ZNF185: variants seen among roughly 807,000 people sequenced by gnomAD.
ZNF185 encodes zinc finger protein 185 with LIM domain.
A neutral mutation model predicts 58.6 loss-of-function variants in ZNF185; 56 were observed. The observed-to-expected ratio is 0.95, with a 90% CI of 0.77 to 1.19. ZNF185 has a LOEUF of 1.19. Among genes scored for constraint, ZNF185 ranks in the 50% most tolerant of loss-of-function variants. The pLI, the probability that ZNF185 is intolerant of heterozygous loss-of-function variation, is 0.00. For synonymous variants in ZNF185, 230 were observed against 215.9 expected, an observed-to-expected ratio of 1.07 and a Z score of -0.57; for missense variants, 627 against 573.5, an observed-to-expected ratio of 1.09 and a Z score of -0.95.
intron 16 of ZNF185, among the ~76,000 whole-genome samples, chrX:152,950,205 C>T (rs2048167224): frequency 8.9e-6 from 1 of 111,823 alleles, no homozygotes; most frequent in Non-Finnish European, 1.9e-5. Flanking sequence ...GGCAATGATC[C>T]TTTTATATAA....
intron 7 of ZNF185, among the ~76,000 whole-genome samples, chrX:152,919,550 CT>C (rs1432273811): frequency 9.0e-6 from 1 of 111,633 alleles, no homozygotes; most frequent in African/African-American, 3.3e-5. Context: ...AAATTCTACC[CT>C]AGTCTCTGCG....
exon 7 of ZNF185, chrX:152,919,041 G>A (rs1556868065): frequency 8.3e-7 from 1 of 1,210,789 alleles, no homozygotes; most frequent in Non-Finnish European, 1.1e-6. Flanking sequence ...GGAGGAGGAG[G>A]AGGAGGTGGT....
intron 16 of ZNF185, 151 bp from the exon 19 acceptor site, chrX:152,959,548 G>C: frequency 1.7e-6 from 1 of 605,260 alleles, no homozygotes; most frequent in Non-Finnish European, 2.5e-6. Flanking sequence ...CTGCTCCTTG[G>C]GGTGGGGATT....
chrX:152,971,049 T>C (rs1216946597), intron 22 of ZNF185, among the ~76,000 whole-genome samples: 1 of 111,981 alleles, frequency 8.9e-6, no homozygotes, highest in Non-Finnish European at 1.9e-5. Flanking sequence ...TGTGTTTGCA[T>C]GCTCATAGCC....
chrX:152,938,260 A>T (rs2046593315), intron 15 of ZNF185, 97 bp downstream of exon 17: 15 of 866,748 alleles, frequency 1.7e-5, no homozygotes, highest in Non-Finnish European at 2.4e-5. Context: ...GAGGCCAGCA[A>T]GGTTTGTGAG....
intron 15 of ZNF185, among the ~76,000 whole-genome samples, chrX:152,942,964 A>C (rs190952774): frequency 9.0e-6 from 1 of 111,482 alleles, no homozygotes; most frequent in Non-Finnish European, 1.9e-5. Context: ...ATATCTATAT[A>C]TGTATATGTA....
chrX:152,955,794 C>T (rs182279357), intron 16 of ZNF185, among the ~76,000 whole-genome samples: 1,222 of 109,808 alleles, frequency 0.011, 16 homozygotes, highest in African/African-American at 0.038. Context: ...CCCAGCTACT[C>T]GGGAGGCTGA....
At chrX:152,903,915 T>G in the ZNF185 span, among the ~76,000 whole-genome samples, 1 of 111,079 alleles carries the variant, frequency 9.0e-6, no homozygotes, top group African/African-American at 3.3e-5. Context: ...CCAGGGCCCC[T>G]CCAGTGCAGA....
At chrX:152,948,576 G>A (rs2048002337) in intron 16 of ZNF185, among the ~76,000 whole-genome samples, 1 of 111,733 alleles carries the variant, frequency 8.9e-6, no homozygotes, top group Non-Finnish European at 1.9e-5. Flanking sequence ...ACTGGGAGAG[G>A]ACTCTGGAAG....
chrX:152,911,279 G>A (rs1937142197), upstream of ZNF185, among the ~76,000 whole-genome samples: 1 of 112,152 alleles, frequency 8.9e-6, no homozygotes, highest in Non-Finnish European at 1.9e-5. Flanking sequence ...TCACTTGGCA[G>A]GGCTACCTTC....
the ZNF185 span, among the ~76,000 whole-genome samples, chrX:152,903,739 C>T: frequency 2.7e-5 from 3 of 111,594 alleles, no homozygotes; most frequent in Admixed American, 1.9e-4. Context: ...CCTGAACGGT[C>T]GCTTGTATCT....
rs910295478 is a variant in ZNF185 at position 152,917,179 on chromosome X, C to T, written c.263+10C>T. On this transcript the variant is annotated intron_variant, in intron 4 of 22. Transcript: ENST00000449285. ...CTGGCTACATCATCCGGTAAGTGAC[C>T]GCAGGACTCTGCCGGCCTTCCTGTG... 1.2e-5 allele frequency: 15 copies of T among 1,209,847 alleles called. No individual in the cohort carries two copies. Among genetic ancestry groups the T allele is most frequent in the Admixed American group, 2.2e-5 (1 of 45,909 alleles).
At chrX:152,969,820 A>G (rs1417630923) in intron 21 of ZNF185, among the ~76,000 whole-genome samples, 1 of 112,640 alleles carries the variant, frequency 8.9e-6, no homozygotes, top group Non-Finnish European at 1.9e-5. Context: ...CTTGCGTGGG[A>G]GAATGCCAGG....
rs1556864762 is a variant in ZNF185, at chrX:152,915,119, G to A, written c.159-19G>A. The A allele has an allele frequency of 2.5e-6, 3 of 1,208,351 alleles. No individual in the cohort carries two copies. The highest frequency in any genetic ancestry group is 1.8e-5 in the South Asian group (1 of 56,252). On this transcript the variant is annotated intron_variant, in intron 2 of 22. Transcript: ENST00000449285. ...AGGGAGTCTCGGAGCCAATCCTTCAGGATGCCTCTTTCCCCCAGAGAGCTG... is the reference window on the plus strand; with the variant it reads ...AGGGAGTCTCGGAGCCAATCCTTCAAGATGCCTCTTTCCCCCAGAGAGCTG...
chrX:152,939,844 G>A (rs139069673), intron 15 of ZNF185, among the ~76,000 whole-genome samples: 2,106 of 100,907 alleles, frequency 0.021, 61 homozygotes, highest in African/African-American at 0.072. Context: ...GTGCAGTGGC[G>A]CAATCTCGAC....
At chrX:152,947,539 T>C (rs1186693594) in intron 16 of ZNF185, among the ~76,000 whole-genome samples, 1 of 111,470 alleles carries the variant, frequency 9.0e-6, no homozygotes, top group East Asian at 2.8e-4. Context: ...TGCACAGAGA[T>C]GAGAAGGTCA....
At chrX:152,938,077 C>T in exon 15 of ZNF185, 8 of 1,176,798 alleles carry the variant, frequency 6.8e-6, no homozygotes, top group Non-Finnish European at 9.1e-6. Context: ...TCCTCAGCTC[C>T]AGTGCCACTT....
chrX:152,919,120 G>A lies in ZNF185; in HGVS notation c.530+39G>A, dbSNP rs1246877951. 8 of 1,081,859 alleles carry A rather than the reference G, an allele frequency of 7.4e-6. No individual in the cohort carries two copies. In the African/African-American group the frequency reaches 1.1e-4, roughly 15 times the overall value. The allele number at this position is 1,081,859 out of a possible 1,213,427, so 89.2% of individuals were successfully genotyped here. ...GCCTTTTGGGCATCCCGGGGGGCAG[G>A]GCAGGAGCCTGAGTCTTCGAAGACT... On this transcript the variant is annotated intron_variant, in intron 7 of 22. Coordinates refer to ENST00000449285, the Ensembl canonical transcript of ZNF185.
chrX:152,937,728 GTCATGCAGGCCTGGATATCCCCC>G (rs2046489887), intron 14 of ZNF185, among the ~76,000 whole-genome samples: 1 of 112,514 alleles, frequency 8.9e-6, no homozygotes, highest in Non-Finnish European at 1.9e-5. Flanking sequence ...GACTCATTGA[GTCATGCAGGCCTGGATATCCCCC>G]TCTGCCTATT....
Sources: allele counts gnomAD v4.1 joint callset (sites outside exome capture counted in the v4.1 genomes callset), GRCh38; gene constraint gnomAD v4.1.1; transcripts MANE v1.5; gene names NCBI Gene and HGNC (gene_info 2026-07-23, HGNC 2026-07-21).